Variants in PCDHAC2 observed in about 807,000 individuals in gnomAD.
PCDHAC2 encodes protocadherin alpha-C2.
A neutral mutation model predicts 63.3 loss-of-function variants in PCDHAC2; 24 were observed. That is an observed-to-expected ratio of 0.38 (90% CI 0.27 to 0.53). The LOEUF (loss-of-function observed/expected upper bound fraction) is 0.53. Ranked by LOEUF, PCDHAC2 falls within the 20% of genes least tolerant of loss-of-function variation. PCDHAC2 has a pLI of 0.81. For missense variants in PCDHAC2, 1,181 were observed against 1,275.2 expected (o/e 0.93, Z 1.12); for synonymous variants, 569 against 529.4 (o/e 1.07, Z -1.03).
At position 140,968,530 on chromosome 5, in the gene PCDHAC2, A is replaced by G. The variant is rs1554230830; in HGVS notation, c.1764A>G (p.Ser588=). Residue 588 remains serine, a synonymous_variant, in exon 1 of 4, where the codon TCA becomes TCG. Transcript: ENST00000289269. ...HILYPTSTNS[S]AAFEMVPRTA... ...TGTACCCTACCTCAACCAACTCGTC[A>G]GCAGCCTTCGAGATGGTGCCTCGAA... 6.2e-7 allele frequency: 1 copy of G among 1,614,174 alleles called. No individual in the cohort carries two copies. Among genetic ancestry groups the G allele is most frequent in the East Asian group, 2.2e-5 (1 of 44,876 alleles).
chr5:140,980,963 A>T (rs1047334103), intron 2 of PCDHAC2, among the ~76,000 whole-genome samples: 8 of 152,224 alleles, frequency 5.3e-5, no homozygotes, highest in African/African-American at 1.9e-4. Context: ...TTACACCTTC[A>T]TGAATCTGAC....
At chr5:141,005,184 A>G (rs964423938) in intron 3 of PCDHAC2, among the ~76,000 whole-genome samples, 27 of 152,196 alleles carry the variant, frequency 1.8e-4, no homozygotes, top group Non-Finnish European at 3.7e-4. Flanking sequence ...CACTTCTCAC[A>G]TCAGTCCTTT....
At chr5:140,995,515 C>T (rs1476035141) in intron 3 of PCDHAC2, among the ~76,000 whole-genome samples, 2 of 152,078 alleles carry the variant, frequency 1.3e-5, no homozygotes, top group East Asian at 1.9e-4. Context: ...TAACTGAAGC[C>T]TCAGAAATCA....
chr5:140,969,074 C>T lies in PCDHAC2; in HGVS notation c.2308C>T (p.His770Tyr), dbSNP rs782163688. The T allele has an allele frequency of 1.9e-6, 3 of 1,614,142 alleles. No homozygotes were observed. Among genetic ancestry groups the T allele is most frequent in the Non-Finnish European group, 2.5e-6 (3 of 1,180,006 alleles). Residue 770 changes from histidine (H) to tyrosine (Y), a missense_variant, in exon 1 of 4, where the codon CAT becomes TAT. Physicochemically the swap from His to Tyr is moderately conservative, Grantham distance 83. Around this residue, in one of 3 missense-constraint regions of PCDHAC2, gnomAD observed 968 missense variants for 1,073.5 expected, o/e 0.90. Coordinates refer to ENST00000289269, the MANE Select transcript of PCDHAC2 (RefSeq NM_018899.6). Reference sequence around the variant, plus strand: ...CAACAATATTGATGCCAGGATACCGCATGGCCTCAAAGTGCAGCCTCACTT... The same window carrying T: ...CAACAATATTGATGCCAGGATACCGTATGGCCTCAAAGTGCAGCCTCACTT... ...ANNNIDARIP[H>Y]GLKVQPHFIE... is the part of the protein sequence containing the mutation.
At chr5:140,981,977 G>A (rs1321410399) in intron 2 of PCDHAC2, among the ~76,000 whole-genome samples, 1 of 152,128 alleles carries the variant, frequency 6.6e-6, no homozygotes, top group African/African-American at 2.4e-5. Context: ...TATAGAAAGA[G>A]TAAAATAGAA....
At chr5:140,995,087 C>T (rs1482673933) in intron 3 of PCDHAC2, among the ~76,000 whole-genome samples, 1 of 152,222 alleles carries the variant, frequency 6.6e-6, no homozygotes, top group Non-Finnish European at 1.5e-5. Flanking sequence ...CCAAACTTAT[C>T]TGTGGAGATA....
intron 3 of PCDHAC2, among the ~76,000 whole-genome samples, chr5:141,000,381 CTCTCTCTCTCTCTCTATA>C (rs1371464108): frequency 4.9e-5 from 3 of 61,382 alleles, no homozygotes; most frequent in South Asian, 5.3e-4. Flanking sequence ...CTCTCTCTCT[CTCTCTCTCTCTCTCTATA>C]TATATATATA....
chr5:141,003,258 G>T (rs1029666608), intron 3 of PCDHAC2, among the ~76,000 whole-genome samples: 1 of 152,240 alleles, frequency 6.6e-6, no homozygotes, highest in Admixed American at 6.5e-5. Flanking sequence ...TTCCTGGGCA[G>T]TGCCTAAGGG....
intron 3 of PCDHAC2, among the ~76,000 whole-genome samples, chr5:141,007,388 TAAAATAC>T (rs1451350698): frequency 1.5e-5 from 1 of 67,196 alleles, no homozygotes; most frequent in Non-Finnish European, 2.7e-5. Context: ...CCATCTCTAC[TAAAATAC>T]AAAAAAAAAA....
At position 141,012,023 on chromosome 5, in the gene PCDHAC2, C is replaced by T. The variant is rs1174206729; in HGVS notation, c.*2086C>T. On this transcript the variant is annotated 3_prime_UTR_variant, in exon 4 of 4. Coordinates refer to ENST00000289269, the MANE Select transcript of PCDHAC2 (RefSeq NM_018899.6). ...TATTTTGAAGGGTGTGTAACTTCAGCTCTGCAGGATTGCATGGGGTAAAAC... is the reference window on the plus strand; with the variant it reads ...TATTTTGAAGGGTGTGTAACTTCAGTTCTGCAGGATTGCATGGGGTAAAAC... The T allele has an allele frequency of 6.5e-6, 1 of 153,700 alleles. No individual in the cohort carries two copies. The highest frequency in any genetic ancestry group is 1.5e-5 in the Non-Finnish European group (1 of 68,026). The allele number at this position is 153,700 out of a possible 1,614,324, so 9.5% of individuals were successfully genotyped here.
At chr5:140,994,785 A>G (rs942763350) in intron 3 of PCDHAC2, among the ~76,000 whole-genome samples, 2 of 152,168 alleles carry the variant, frequency 1.3e-5, no homozygotes, top group African/African-American at 4.8e-5. Flanking sequence ...AAAGGAAACA[A>G]TGCGTGCATG....
At chr5:140,996,922 A>T (rs2097752714) in intron 3 of PCDHAC2, among the ~76,000 whole-genome samples, 1 of 152,198 alleles carries the variant, frequency 6.6e-6, no homozygotes, top group African/African-American at 2.4e-5. Flanking sequence ...AATATTAAAA[A>T]ATATAGCATT....
Position 140,968,185 on chromosome 5 carries a change from C to T in PCDHAC2, c.1419C>T (p.Ser473=), listed in dbSNP as rs1554230464. 1 of 1,614,034 alleles carries T rather than the reference C, an allele frequency of 6.2e-7. No homozygotes were observed. The highest frequency in any genetic ancestry group is 2.2e-5 in the East Asian group (1 of 44,876). ...ATCCACCAAGCTTCCTGGAGGACTC[C>T]TATTCCATCTACATACAGGAGAACA... ...NDNPPSFLED[S]YSIYIQENNL... Residue 473 remains serine (S), a synonymous_variant, in exon 1 of 4, where the codon TCC becomes TCT. Coordinates refer to ENST00000289269, the MANE Select transcript of PCDHAC2 (RefSeq NM_018899.6).
At chr5:141,005,824 G>T (rs1380044629) in intron 3 of PCDHAC2, among the ~76,000 whole-genome samples, 2 of 151,660 alleles carry the variant, frequency 1.3e-5, no homozygotes, top group African/African-American at 4.8e-5. Flanking sequence ...ATGGTGGCCT[G>T]TAGTCCCAGC....
At chr5:140,987,982 C>T (rs781838400) in intron 3 of PCDHAC2, among the ~76,000 whole-genome samples, 16 of 152,206 alleles carry the variant, frequency 1.1e-4, no homozygotes, top group Non-Finnish European at 1.5e-4. Flanking sequence ...TCCATGGAGA[C>T]TCCATCTCTG....
At chr5:140,984,965 T>G (rs2097128606) in intron 3 of PCDHAC2, among the ~76,000 whole-genome samples, 1 of 151,666 alleles carries the variant, frequency 6.6e-6, no homozygotes, top group Non-Finnish European at 1.5e-5. Context: ...TGAGACAGAG[T>G]CTCGCTCTGT....
intron 1 of PCDHAC2, among the ~76,000 whole-genome samples, chr5:140,977,307 G>A (rs1023836424): frequency 6.6e-6 from 1 of 152,304 alleles, no homozygotes; most frequent in Non-Finnish European, 1.5e-5. Context: ...ACAAGCTAAC[G>A]ATAGTGCTCC....
intron 3 of PCDHAC2, among the ~76,000 whole-genome samples, chr5:140,995,481 T>C (rs190039428): frequency 5.9e-5 from 9 of 152,308 alleles, no homozygotes; most frequent in Admixed American, 5.9e-4. Context: ...CATTTAATAT[T>C]TTCAGACTAA....
chr5:140,977,482 A>G lies in PCDHAC2; in HGVS notation c.2566-1467A>G, dbSNP rs3776112. ...TTTGGTCTGTAGATAATTTTATGCTATGTTATATGGAATATCCACAGCATT... is the reference window on the plus strand; with the variant it reads ...TTTGGTCTGTAGATAATTTTATGCTGTGTTATATGGAATATCCACAGCATT... On this transcript the variant is annotated intron_variant, in intron 1 of 3. Coordinates refer to ENST00000289269, the MANE Select transcript of PCDHAC2 (RefSeq NM_018899.6). Among the ~76,000 whole-genome samples the G allele has an allele frequency of 3.0e-4, 46 of 152,350 alleles. No homozygotes were observed. The East Asian group carries it at 5.4e-3, about 18-fold the overall frequency.
Sources: gnomAD v4.1 joint callset for allele counts (sites outside exome capture counted in the v4.1 genomes callset) on GRCh38, gnomAD v4.1.1 for gene constraint, gnomAD v4.1.1 regional missense constraint, MANE v1.5 for transcripts, NCBI Gene and HGNC (gene_info 2026-07-23, HGNC 2026-07-21) for gene names.